Variants in EIF4G3 observed in about 807,000 individuals in gnomAD.
EIF4G3 encodes eIF-4-gamma 3.
EIF4G3 carries 34 observed loss-of-function variants against 186.4 expected under a neutral mutation model. The ratio of observed to expected loss-of-function variants is 0.18; its 90% confidence interval spans 0.14 to 0.24. The LOEUF (loss-of-function observed/expected upper bound fraction) is 0.24. Ranked by LOEUF, EIF4G3 falls within the 10% of genes least tolerant of loss-of-function variation. The probability of loss-of-function intolerance (pLI) is 1.00; values close to 1 mark genes in which losing one functional copy is unlikely to be tolerated. For missense variants in EIF4G3, 1,536 were observed against 1,948.5 expected (o/e 0.79, Z 3.99); for synonymous variants, 673 against 679.5 (o/e 0.99, Z 0.15).
At chr1:21,081,858 G>T (rs1294002069) in intron 3 of EIF4G3, among the ~76,000 whole-genome samples, 1 of 151,896 alleles carries the variant, frequency 6.6e-6, no homozygotes, top group Non-Finnish European at 1.5e-5. Flanking sequence ...GGCCAAGCTG[G>T]TCTCGAACTC....
At chr1:20,850,986 G>A (rs560629062) in intron 28 of EIF4G3, among the ~76,000 whole-genome samples, 104 of 152,256 alleles carry the variant, frequency 6.8e-4, no homozygotes, top group African/African-American at 2.2e-3. Flanking sequence ...ACAGGGACTT[G>A]TAAGAAATTC....
At chr1:20,826,551 A>G (rs1481382769) in intron 32 of EIF4G3, among the ~76,000 whole-genome samples, 2 of 119,784 alleles carry the variant, frequency 1.7e-5, no homozygotes, top group African/African-American at 6.5e-5. Context: ...GCGCAGTGGC[A>G]TGATCTCGGC....
chr1:21,149,317 T>C (rs191547109), intron 2 of EIF4G3, among the ~76,000 whole-genome samples: 118 of 152,286 alleles, frequency 7.7e-4, no homozygotes, highest in Admixed American at 4.9e-3. Flanking sequence ...ATCAATGAGT[T>C]AGAGTTATGA....
intron 31 of EIF4G3, 71 bp from the exon 32 acceptor site, chr1:20,827,769 T>G: frequency 9.4e-7 from 1 of 1,065,384 alleles, no homozygotes; most frequent in Non-Finnish European, 1.4e-6. Flanking sequence ...AGGCAAACAA[T>G]GTGTGACCAA....
intron 3 of EIF4G3, among the ~76,000 whole-genome samples, chr1:21,074,550 T>C (rs1422714241): frequency 1.3e-5 from 2 of 152,178 alleles, no homozygotes; most frequent in African/African-American, 4.8e-5. Flanking sequence ...ATAATTTATA[T>C]ACATAAATCT....
At chr1:21,066,800 C>T (rs902875717) in intron 3 of EIF4G3, among the ~76,000 whole-genome samples, 4 of 152,142 alleles carry the variant, frequency 2.6e-5, no homozygotes, top group African/African-American at 4.8e-5. Context: ...ATTAAAACTC[C>T]ATTTACCACA....
intron 2 of EIF4G3, among the ~76,000 whole-genome samples, chr1:21,161,096 G>A (rs1386507010): frequency 1.3e-5 from 2 of 152,044 alleles, no homozygotes; most frequent in African/African-American, 2.4e-5. Context: ...ACTTGAACCC[G>A]GGAGGCAGAG....
intron 30 of EIF4G3, among the ~76,000 whole-genome samples, chr1:20,832,623 C>T (rs2065630198): frequency 1.3e-5 from 2 of 150,070 alleles, no homozygotes; most frequent in African/African-American, 4.9e-5. Flanking sequence ...AATTAGATCC[C>T]ATTTGTCAAT....
intron 33 of EIF4G3, among the ~76,000 whole-genome samples, chr1:20,818,275 T>C (rs1322890108): frequency 1.3e-5 from 2 of 152,178 alleles, no homozygotes; most frequent in African/African-American, 4.8e-5. Context: ...TGTTAAGTTG[T>C]GGCCATTTCG....
intron 3 of EIF4G3, among the ~76,000 whole-genome samples, chr1:21,077,403 A>G (rs929688527): frequency 6.7e-6 from 1 of 149,034 alleles, no homozygotes; most frequent in Non-Finnish European, 1.5e-5. Context: ...CCTGTCTAGA[A>G]AAAAAAAAAA....
intron 14 of EIF4G3, among the ~76,000 whole-genome samples, chr1:20,921,830 G>C (rs1167082590): frequency 6.6e-6 from 1 of 152,190 alleles, no homozygotes; most frequent in Non-Finnish European, 1.5e-5. Context: ...AGCAGGTCCA[G>C]TGTGTATTTT....
intron 2 of EIF4G3, among the ~76,000 whole-genome samples, chr1:21,142,120 G>A (rs2097351062): frequency 6.6e-6 from 1 of 152,258 alleles, no homozygotes; most frequent in Non-Finnish European, 1.5e-5. Context: ...TGAGGTGGGA[G>A]GATCACTTGA....
At chr1:20,849,694 G>A (rs1180342933) in intron 28 of EIF4G3, among the ~76,000 whole-genome samples, 164 bp from the exon 29 acceptor site, 3 of 152,046 alleles carry the variant, frequency 2.0e-5, no homozygotes, top group African/African-American at 7.2e-5. Flanking sequence ...GAATAGATTC[G>A]CACTAAGTAA....
intron 4 of EIF4G3, among the ~76,000 whole-genome samples, chr1:21,033,335 C>T (rs183745866): frequency 6.6e-6 from 1 of 151,838 alleles, no homozygotes; most frequent in Non-Finnish European, 1.5e-5. Context: ...ATCTGGTTTT[C>T]AGTAATGATG....
intron 14 of EIF4G3, among the ~76,000 whole-genome samples, chr1:20,916,722 C>T (rs2093919196): frequency 6.6e-6 from 1 of 152,048 alleles, no homozygotes; most frequent in Non-Finnish European, 1.5e-5. Context: ...TACAAAGCTT[C>T]TTTATCACGA....
At chr1:20,977,531 A>T (rs1299549682) in intron 10 of EIF4G3, among the ~76,000 whole-genome samples, 2 of 152,176 alleles carry the variant, frequency 1.3e-5, no homozygotes, top group Non-Finnish European at 2.9e-5. Flanking sequence ...ATAATGAAAT[A>T]AATTATTTTA....
At chr1:20,972,454 C>G (rs1337227745) in intron 11 of EIF4G3, among the ~76,000 whole-genome samples, 1 of 151,864 alleles carries the variant, frequency 6.6e-6, no homozygotes, top group Non-Finnish European at 1.5e-5. Context: ...GGCAACATGG[C>G]GAAATCCCAC....
chr1:20,974,893 A>G (rs2076547801), intron 10 of EIF4G3, among the ~76,000 whole-genome samples: 1 of 152,192 alleles, frequency 6.6e-6, no homozygotes, highest in Non-Finnish European at 1.5e-5. Context: ...AAGGAAAAAA[A>G]TATGTACGAG....
intron 19 of EIF4G3, among the ~76,000 whole-genome samples, chr1:20,885,026 C>T (rs1014781567): frequency 2.0e-5 from 3 of 152,252 alleles, no homozygotes; most frequent in South Asian, 4.1e-4. Context: ...CAACCTAGAT[C>T]GCTTCCATGT....
Sources: allele counts gnomAD v4.1 joint callset (sites outside exome capture counted in the v4.1 genomes callset), GRCh38; gene constraint gnomAD v4.1.1; transcripts MANE v1.5; gene names NCBI Gene and HGNC (gene_info 2026-07-23, HGNC 2026-07-21).